The following NOTCH1 variants were observed in gnomAD, a reference collection of about 807,000 sequenced individuals.
NOTCH1 encodes notch receptor 1, also known as neurogenic locus notch homolog protein 1.
A neutral mutation model predicts 254.8 loss-of-function variants in NOTCH1; 37 were observed. That is an observed-to-expected ratio of 0.15 (90% confidence interval 0.11 to 0.19). NOTCH1 has a LOEUF of 0.19. NOTCH1 is among the 10% of genes least tolerant of loss of function. The pLI is 1.00. For missense variants in NOTCH1, 2,972 were observed against 3,708.6 expected (o/e 0.80, Z 5.16); for synonymous variants, 1,731 against 1,618.1 (o/e 1.07, Z -1.68).
At chr9:136,507,888 C>T (rs1843113879) in intron 21 of NOTCH1, 67 bp downstream of exon 21, 2 of 1,550,164 alleles carry the variant, frequency 1.3e-6, no homozygotes, top group Non-Finnish European at 1.8e-6. Context: ...GGCCAGCTCC[C>T]AGCCAGGGCC....
At position 136,494,500 on chromosome 9, in the gene NOTCH1, C is replaced by T. The variant is rs757666486; in HGVS notation, c.*1571G>A. On this transcript the variant is annotated 3_prime_UTR_variant, in exon 34 of 34. Transcript: ENST00000651671. ...GTTAACAAAAAAGATGAAAAAAATA[C>T]ATCATCTACAGTTCCTCATGTAGAT... 2 of 399,032 alleles carry T rather than the reference C, an allele frequency of 5.0e-6. No individual in the cohort carries two copies. The highest frequency in any genetic ancestry group is 1.3e-4 in the South Asian group (1 of 7,866). The allele number at this position is 399,032 out of a possible 1,614,324, so 24.7% of individuals were successfully genotyped here.
intron 10 of NOTCH1, 23 bp downstream of exon 10, chr9:136,515,958 C>A (rs199534910): frequency 6.3e-7 from 1 of 1,583,806 alleles, no homozygotes; most frequent in South Asian, 1.1e-5. Flanking sequence ...AGTCCCTCCC[C>A]GCTGGTGGGC....
rs561404862 is a variant in NOTCH1, at chr9:136,506,706, C to G, written c.3901+10G>C. 6.3e-7 allele frequency: 1 copy of G among 1,595,908 alleles called. No homozygotes were observed. Among genetic ancestry groups the G allele is most frequent in the Non-Finnish European group, 8.5e-7 (1 of 1,172,018 alleles). On this transcript the variant is annotated intron_variant, in intron 23 of 33. Coordinates refer to ENST00000651671, the MANE Select transcript of NOTCH1 (RefSeq NM_017617.5). This position sits in a 1 kb window ranked among gnomAD's most constrained non-coding sequence, Gnocchi z 4.5. ...CCCACACGCCCCACCCGCCTGGGCG[C>G]GGCACCCACCGGTGTGACCAGCACG...
At chr9:136,503,083 C>T (rs759009887) in intron 27 of NOTCH1, 99 bp downstream of exon 27, 38 of 1,546,238 alleles carry the variant, frequency 2.5e-5, no homozygotes, top group South Asian at 3.4e-5. Flanking sequence ...CGCTCACACC[C>T]GTGGGTAGCA....
chr9:136,511,040 G>T, intron 16 of NOTCH1, 112 bp downstream of exon 16: 1 of 1,529,258 alleles, frequency 6.5e-7, no homozygotes, highest in African/African-American at 1.4e-5. Flanking sequence ...GGCCTCCTCA[G>T]CACCCACCAG....
intron 2 of NOTCH1, among the ~76,000 whole-genome samples, chr9:136,527,847 G>A (rs1034459112): frequency 5.3e-5 from 8 of 152,118 alleles, no homozygotes; most frequent in African/African-American, 1.9e-4. Context: ...TGCGGGGGGA[G>A]GGTGCCAAGT....
Position 136,502,192 on chromosome 9 carries a change from G to C in NOTCH1, c.5384+80C>G, listed in dbSNP as rs1589056513. 2.5e-6 allele frequency: 4 copies of C among 1,577,296 alleles called. No homozygotes were observed. In the East Asian group the frequency reaches 9.1e-5, roughly 36 times the overall value. ...GTGGGAGGTGGGCCCTGGGTCGGGA[G>C]GGGCAGACTCCCGGTGAGGATGCTC... On this transcript the variant is annotated intron_variant, in intron 28 of 33. Coordinates refer to ENST00000651671, the MANE Select transcript of NOTCH1 (RefSeq NM_017617.5).
At position 136,494,926 on chromosome 9, in the gene NOTCH1, C is replaced by G; in HGVS notation, c.*1145G>C. 2.5e-6 allele frequency: 1 copy of G among 398,730 alleles called. No individual in the cohort carries two copies. The highest frequency in any genetic ancestry group is 3.5e-5 in the East Asian group (1 of 28,206). 24.7% of individuals were successfully genotyped at this position (398,730 alleles called of 1,614,324 possible). A position where few individuals can be genotyped will look rare whatever the true frequency, so the allele number is the denominator to read the frequency against. On this transcript the variant is annotated 3_prime_UTR_variant, in exon 34 of 34. Coordinates refer to ENST00000651671, the MANE Select transcript of NOTCH1 (RefSeq NM_017617.5). ...CCCCCGCCTCCCTCCAGCCCCTGCC[C>G]GACCGCATGCCCCCTGCCAGGGCTG...
Position 136,497,140 on chromosome 9 carries a change from A to T in NOTCH1, c.6599T>A (p.Val2200Glu), listed in dbSNP as rs2133317805. ...LLDSSGMLSP[V>E]DSLESPHGYL... ...GCCATGGGGTGACTCCAGGGAGTCCACGGGCGAGAGCATGCCGGAGCTGTC... is the reference window on the plus strand; with the variant it reads ...GCCATGGGGTGACTCCAGGGAGTCCTCGGGCGAGAGCATGCCGGAGCTGTC... The change falls in exon 34 of 34, where the codon GTG becomes GAG. Residue 2200 changes from valine (V) to glutamate (E), a missense_variant. By Grantham distance (121) the Val-to-Glu change is moderately radical (BLOSUM62 -2). Coordinates refer to ENST00000651671, the MANE Select transcript of NOTCH1 (RefSeq NM_017617.5). The T allele has an allele frequency of 6.2e-7, 1 of 1,612,700 alleles. No homozygotes were observed. Among genetic ancestry groups the T allele is most frequent in the Non-Finnish European group, 8.5e-7 (1 of 1,179,920 alleles).
intron 2 of NOTCH1, among the ~76,000 whole-genome samples, chr9:136,532,132 C>T (rs887815203): frequency 1.3e-5 from 2 of 152,164 alleles, no homozygotes; most frequent in Admixed American, 1.3e-4. Flanking sequence ...TGGGAGGGGC[C>T]CATAAGGAGG....
rs865987089 is a variant in NOTCH1, at chr9:136,515,657, A to G, written c.1729T>C (p.Tyr577His). The G allele has an allele frequency of 2.5e-6, 4 of 1,586,622 alleles. No individual in the cohort carries two copies. The South Asian group carries it at 3.4e-5, about 13-fold the overall frequency. ...IDECDPDPCHYGSCKDGVATF... is the reference protein window; with the variant it reads ...IDECDPDPCHHGSCKDGVATF... ...GCGACGCCGTCCTTGCAGGAGCCGT[A>G]GTGGCAGGGGTCGGGGTCGCACTCA... Residue 577 changes from tyrosine (Y) to histidine (H), a missense_variant, in exon 11 of 34, where the codon TAC (tyrosine) becomes CAC (histidine). This residue lies in a region of NOTCH1 where 128 missense variants were observed against 193.8 expected (regional missense o/e 0.66). Coordinates refer to ENST00000651671, the MANE Select transcript of NOTCH1 (RefSeq NM_017617.5).
In NOTCH1 at chr9:136,505,808, C is replaced by A. The variant is rs2133340975; in HGVS notation, c.4088G>T (p.Cys1363Phe). 6.3e-7 allele frequency: 1 copy of A among 1,588,426 alleles called. No homozygotes were observed. Among genetic ancestry groups the A allele is most frequent in the Non-Finnish European group, 8.5e-7 (1 of 1,171,050 alleles). Residue 1363 changes from cysteine (C) to phenylalanine (F), a missense_variant, in exon 25 of 34, where the codon TGC becomes TTC. By Grantham distance (205) the Cys-to-Phe change is radical (BLOSUM62 -2). Coordinates refer to ENST00000651671, the MANE Select transcript of NOTCH1 (RefSeq NM_017617.5). ...GSLRCLNGGT[C>F]ISGPRSPTCL... ...GGTGGGGCTGCGCGGGCCGGAGATG[C>A]ATGTGCCGCCGTTGAGGCAGCGCAG...
In NOTCH1 at chr9:136,499,269, A is replaced by C; in HGVS notation, c.5935-10T>G. On this transcript the variant is annotated splice_polypyrimidine_tract_variant and intron_variant, in intron 31 of 33. Transcript: ENST00000651671. ...GGTTCCGGATCAGGATCTGGGCAAC[A>C]GGGAGAGGCTCAGGCGGGTGCTGGG... 6.2e-7 allele frequency: 1 copy of C among 1,612,162 alleles called. No homozygotes were observed. Among genetic ancestry groups the C allele is most frequent in the Non-Finnish European group, 8.5e-7 (1 of 1,179,970 alleles).
chr9:136,498,795 C>T (rs1283283917), intron 33 of NOTCH1, 104 bp downstream of exon 33: 2 of 1,372,526 alleles, frequency 1.5e-6, no homozygotes, highest in Non-Finnish European at 2.1e-6. Flanking sequence ...CCCTCGAGAC[C>T]CTGTGGGTCA....
At position 136,524,024 on chromosome 9, in the gene NOTCH1, C is replaced by T. The variant is rs763358614; in HGVS notation, c.141-45G>A. 5.9e-6 allele frequency: 9 copies of T among 1,533,220 alleles called. No homozygotes were observed. In the South Asian group the frequency reaches 1.1e-4, roughly 18 times the overall value. The allele number at this position is 1,533,220 out of a possible 1,614,324, so 95.0% of individuals were successfully genotyped here. A position where few individuals can be genotyped will look rare whatever the true frequency, so the allele number is the denominator to read the frequency against. On this transcript the variant is annotated intron_variant, in intron 2 of 33. Transcript: ENST00000651671. Reference sequence around the variant, plus strand: ...GGCAGTTAGTTCCCACCTGCTTCCCCAGCGCCCCCGCCACTCAGCACCGGG... The same window carrying T: ...GGCAGTTAGTTCCCACCTGCTTCCCTAGCGCCCCCGCCACTCAGCACCGGG...
intron 26 of NOTCH1, among the ~76,000 whole-genome samples, chr9:136,503,539 G>C (rs1843033123): frequency 6.6e-6 from 1 of 152,168 alleles, no homozygotes; most frequent in Non-Finnish European, 1.5e-5. Flanking sequence ...GCTGATCACG[G>C]CTCATCCCAG....
rs759897410 is a variant in NOTCH1, at chr9:136,509,772, C to T, written c.2930G>A (p.Gly977Glu). The change falls in exon 18 of 34, where the codon GGG (glycine) becomes GAG (glutamate). Residue 977 changes from glycine to glutamate, a missense_variant. Transcript: ENST00000651671. ...AGGCGTGTTGTTCTCACAGTGGATC[C>T]CGCTGAAGCCTGCGGGGCAGGTGCA... is the stretch of plus-strand genomic sequence containing the variant. ...YTCTCPAGFS[G>E]IHCENNTPDC... 1 of 1,613,102 alleles carries T rather than the reference C, an allele frequency of 6.2e-7. No homozygotes were observed. Among genetic ancestry groups the T allele is most frequent in the Non-Finnish European group, 8.5e-7 (1 of 1,180,014 alleles).
intron 2 of NOTCH1, among the ~76,000 whole-genome samples, chr9:136,538,497 C>T (rs1481733745): frequency 3.9e-5 from 6 of 152,244 alleles, no homozygotes; most frequent in African/African-American, 9.6e-5. Flanking sequence ...CTCGGAGCTC[C>T]GGGCCCCACA....
rs2133314498 is a variant in NOTCH1 at position 136,496,242 on chromosome 9, G to A, written c.7497C>T (p.Ser2499=). 1 of 1,605,292 alleles carries A rather than the reference G, an allele frequency of 6.2e-7. No homozygotes were observed. The highest frequency in any genetic ancestry group is 8.5e-7 in the Non-Finnish European group (1 of 1,175,554). ...SYSSPVDNTP[S]HQLQVPEHPF... is the part of the protein sequence containing the mutation. ...GGTGCTCAGGCACCTGTAGCTGGTG[G>A]CTGGGGGTGTTGTCCACAGGCGAGG... The change falls in exon 34 of 34, where the codon AGC becomes AGT. Residue 2499 remains serine (S), a synonymous_variant. Coordinates refer to ENST00000651671, the MANE Select transcript of NOTCH1 (RefSeq NM_017617.5).
Sources: allele counts gnomAD v4.1 joint callset (sites outside exome capture counted in the v4.1 genomes callset), GRCh38; gene constraint gnomAD v4.1.1; regional missense constraint gnomAD v4.1.1; non-coding constraint Gnocchi (gnomAD v3.1); transcripts MANE v1.5; gene names NCBI Gene and HGNC (gene_info 2026-07-23, HGNC 2026-07-21).